SLC39A8: variants seen among roughly 807,000 people sequenced by gnomAD.
The protein encoded by SLC39A8 is metal cation symporter ZIP8.
A neutral mutation model predicts 40.4 loss-of-function variants in SLC39A8; 15 were observed. That is an observed-to-expected ratio of 0.37 (90% CI 0.25 to 0.57). The LOEUF is 0.57. Among genes scored for constraint, SLC39A8 ranks in the 20% least tolerant of loss-of-function variants. The pLI is 0.75. For synonymous variants in SLC39A8, 223 were observed against 221.6 expected (o/e 1.01, Z -0.06); for missense variants, 472 against 558.8 (o/e 0.84, Z 1.57).
intron 2 of SLC39A8, among the ~76,000 whole-genome samples, chr4:102,329,241 C>T (rs1735345314): frequency 6.6e-6 from 1 of 151,824 alleles, no homozygotes; most frequent in African/African-American, 2.4e-5. Flanking sequence ...ATGCTTCTGC[C>T]GTAAATACCA....
chr4:102,288,111 G>T (rs1733262719), intron 6 of SLC39A8, among the ~76,000 whole-genome samples: 1 of 152,060 alleles, frequency 6.6e-6, no homozygotes, highest in African/African-American at 2.4e-5. Flanking sequence ...TTGAAGGTTT[G>T]TTGCAACCCT....
intron 6 of SLC39A8, among the ~76,000 whole-genome samples, chr4:102,294,697 A>G (rs1462002159): frequency 6.6e-6 from 1 of 151,686 alleles, no homozygotes; most frequent in Non-Finnish European, 1.5e-5. Context: ...TCTTGAATAC[A>G]CTCTTCCTTA....
intron 6 of SLC39A8, among the ~76,000 whole-genome samples, chr4:102,291,499 A>G (rs894458831): frequency 2.6e-5 from 4 of 152,008 alleles, no homozygotes; most frequent in Non-Finnish European, 4.4e-5. Context: ...TAAACATACT[A>G]TGGAAGATGA....
At chr4:102,297,768 G>A (rs1733744712) in intron 6 of SLC39A8, among the ~76,000 whole-genome samples, 1 of 151,792 alleles carries the variant, frequency 6.6e-6, no homozygotes, top group Non-Finnish European at 1.5e-5. Context: ...AAAAAATTTA[G>A]TTAGCCAGGC....
Position 102,344,561 on chromosome 4 carries a change from C to T in SLC39A8, c.102G>A (p.Leu34=), listed in dbSNP as rs901692702. Reference sequence around the variant, plus strand: ...GGCTCAGATTCGCGCCGAACACGCTCAGCACATCCTCGCTGAAGGCTAGCC... The same window carrying T: ...GGCTCAGATTCGCGCCGAACACGCTTAGCACATCCTCGCTGAAGGCTAGCC... ...GPGLAFSEDV[L]SVFGANLSLS... is the part of the protein sequence containing the mutation. Residue 34 remains leucine (L), a synonymous_variant, in exon 2 of 9, where the codon CTG becomes CTA. Coordinates refer to ENST00000356736, the MANE Select transcript of SLC39A8 (RefSeq NM_001135146.2). The T allele has an allele frequency of 6.4e-7, 1 of 1,553,180 alleles. No homozygotes were observed. The highest frequency in any genetic ancestry group is 1.4e-5 in the African/African-American group (1 of 72,966).
intron 3 of SLC39A8, among the ~76,000 whole-genome samples, chr4:102,312,263 T>C (rs1348549269): frequency 2.6e-5 from 4 of 152,056 alleles, no homozygotes; most frequent in African/African-American, 9.7e-5. Context: ...AACATTTCCA[T>C]ATCTTCTCCC....
chr4:102,293,341 A>T (rs999703929), intron 6 of SLC39A8, among the ~76,000 whole-genome samples: 1 of 152,016 alleles, frequency 6.6e-6, no homozygotes, highest in Non-Finnish European at 1.5e-5. Flanking sequence ...AACAAGACAA[A>T]TTACCAACTA....
intron 6 of SLC39A8, chr4:102,269,811 G>A (rs1732263566): frequency 1.3e-5 from 2 of 152,200 alleles, no homozygotes; most frequent in Admixed American, 1.3e-4. Flanking sequence ...GCAACATTGA[G>A]TAAGTATCAA....
intron 6 of SLC39A8, among the ~76,000 whole-genome samples, chr4:102,286,253 C>T (rs1271686311): frequency 6.6e-6 from 1 of 152,130 alleles, no homozygotes; most frequent in Non-Finnish European, 1.5e-5. Context: ...ACTTGAACCT[C>T]ATATATTATT....
chr4:102,323,754 CAG>C (rs1268976405), intron 2 of SLC39A8, among the ~76,000 whole-genome samples: 1 of 152,174 alleles, frequency 6.6e-6, no homozygotes, highest in Non-Finnish European at 1.5e-5. Flanking sequence ...GTGTTAAAGA[CAG>C]AATTCAGATA....
intron 2 of SLC39A8, among the ~76,000 whole-genome samples, chr4:102,338,078 T>C (rs1018439152): frequency 3.3e-5 from 5 of 152,246 alleles, no homozygotes; most frequent in Non-Finnish European, 7.4e-5. Context: ...TTTTCTAGTA[T>C]CCATGTGACA....
At chr4:102,310,710 T>C (rs1560554096) in intron 3 of SLC39A8, among the ~76,000 whole-genome samples, 1 of 152,090 alleles carries the variant, frequency 6.6e-6, no homozygotes, top group African/African-American at 2.4e-5. Flanking sequence ...TGAAGCACTT[T>C]CCACTTAACT....
At chr4:102,280,067 C>A (rs149001197) in intron 6 of SLC39A8, among the ~76,000 whole-genome samples, 1 of 152,152 alleles carries the variant, frequency 6.6e-6, no homozygotes, top group African/African-American at 2.4e-5. Context: ...GAGTGGGGAT[C>A]GGGATATTTA....
chr4:102,345,097 G>A (rs1268758576), intron 1 of SLC39A8, 182 bp from the exon 2 acceptor site: 4 of 177,454 alleles, frequency 2.3e-5, no homozygotes, highest in Non-Finnish European at 4.6e-5. Flanking sequence ...CGGATATAAA[G>A]CCCCAAACCA....
chr4:102,291,352 G>A (rs188700093), intron 6 of SLC39A8, among the ~76,000 whole-genome samples: 11 of 151,626 alleles, frequency 7.3e-5, no homozygotes, highest in South Asian at 2.1e-4. Context: ...ACAGCAACAC[G>A]TCCTAAATAC....
At chr4:102,342,708 C>T (rs1033477053) in intron 2 of SLC39A8, among the ~76,000 whole-genome samples, 1 of 152,126 alleles carries the variant, frequency 6.6e-6, no homozygotes, top group African/African-American at 2.4e-5. Context: ...ATTGAGACAT[C>T]CTGCCTGCTA....
At chr4:102,281,866 G>GA (rs747770248) in intron 6 of SLC39A8, among the ~76,000 whole-genome samples, 11 of 152,178 alleles carry the variant, frequency 7.2e-5, no homozygotes, top group Non-Finnish European at 1.6e-4. Context: ...ACCCGTTTAA[G>GA]AAAAGAAGAA....
intron 6 of SLC39A8, among the ~76,000 whole-genome samples, chr4:102,275,076 G>A (rs1350034057): frequency 6.6e-6 from 1 of 152,126 alleles, no homozygotes; most frequent in Non-Finnish European, 1.5e-5. Context: ...GCATCATAAT[G>A]ACAGGATCAA....
intron 6 of SLC39A8, among the ~76,000 whole-genome samples, chr4:102,289,757 G>A (rs1245914499): frequency 6.6e-6 from 1 of 152,144 alleles, no homozygotes; most frequent in African/African-American, 2.4e-5. Context: ...GCTTGAAGAT[G>A]GAAGTGAATT....
Sources: gnomAD v4.1 joint callset for allele counts (sites outside exome capture counted in the v4.1 genomes callset) on GRCh38, gnomAD v4.1.1 for gene constraint, MANE v1.5 for transcripts, NCBI Gene and HGNC (gene_info 2026-07-23, HGNC 2026-07-21) for gene names.